The following CDH23 variants were observed in gnomAD, a reference collection of about 807,000 sequenced individuals.
CDH23 encodes the protein cadherin-23.
A neutral mutation model predicts 317.1 loss-of-function variants in CDH23; 189 were observed. The ratio of observed to expected loss-of-function variants is 0.60; its 90% CI spans 0.53 to 0.67. CDH23 has a LOEUF of 0.67. CDH23 is among the 30% of genes least tolerant of loss of function. The pLI is 0.00. For synonymous variants in CDH23, 1,839 were observed against 1,876.8 expected (o/e 0.98, Z 0.52); for missense variants, 4,401 against 4,592.4 (o/e 0.96, Z 1.20).
chr10:71,796,823 G>C, intron 48 of CDH23: 1 of 326,744 alleles, frequency 3.1e-6, no homozygotes, highest in Non-Finnish European at 5.9e-6. Context: ...GTTGACAGTC[G>C]GTAGTGTAAT....
At chr10:71,666,253 C>T (rs886425050) in intron 14 of CDH23, among the ~76,000 whole-genome samples, 1 of 152,032 alleles carries the variant, frequency 6.6e-6, no homozygotes, top group African/African-American at 2.4e-5. Context: ...CTCAGAAGGC[C>T]CAGAGCAGGC....
intron 1 of CDH23, among the ~76,000 whole-genome samples, chr10:71,435,671 GAC>G (rs935026990): frequency 6.6e-6 from 1 of 152,218 alleles, no homozygotes; most frequent in Non-Finnish European, 1.5e-5. Context: ...CCAGTGGGGA[GAC>G]AGGATTGGTG....
At position 71,725,353 on chromosome 10, in the gene CDH23, G is replaced by A. The variant is rs568956139; in HGVS notation, c.3431-19G>A. On this transcript the variant is annotated intron_variant, in intron 29 of 69. Transcript: ENST00000224721. ...TCTGGGCAGGGCCGGTGTTCCAGGG[G>A]GTCTGTCCCTCCACACAGGTAACCA... 5.6e-6 allele frequency: 9 copies of A among 1,614,014 alleles called. No individual in the cohort carries two copies. The highest frequency in any genetic ancestry group is 2.7e-5 in the African/African-American group (2 of 75,036).
At chr10:71,485,384 C>T (rs1852292084) in intron 3 of CDH23, among the ~76,000 whole-genome samples, 1 of 152,308 alleles carries the variant, frequency 6.6e-6, no homozygotes, top group African/African-American at 2.4e-5. Context: ...AGTTGGTTGG[C>T]TCAGGGAATG....
intron 11 of CDH23, among the ~76,000 whole-genome samples, chr10:71,642,663 G>T: frequency 6.6e-6 from 1 of 151,648 alleles, no homozygotes; most frequent in Non-Finnish European, 1.5e-5. Context: ...GCTTCCCGAC[G>T]TGCTGGGATT....
intron 1 of CDH23, among the ~76,000 whole-genome samples, chr10:71,438,996 C>G (rs1394565706): frequency 6.6e-6 from 1 of 152,168 alleles, no homozygotes; most frequent in African/African-American, 2.4e-5. Context: ...TCCTGAGCCG[C>G]TGGAGGACCA....
intron 14 of CDH23, among the ~76,000 whole-genome samples, chr10:71,655,796 G>A (rs1863391911): frequency 1.3e-5 from 2 of 151,962 alleles, no homozygotes; most frequent in South Asian, 4.2e-4. Flanking sequence ...AGGCCTCATG[G>A]GGACACATGA....
At chr10:71,548,934 T>A (rs933760576) in intron 6 of CDH23, among the ~76,000 whole-genome samples, 2 of 152,214 alleles carry the variant, frequency 1.3e-5, no homozygotes, top group African/African-American at 4.8e-5. Context: ...CGATAGCTCA[T>A]GAGACAGAGA....
intron 1 of CDH23, among the ~76,000 whole-genome samples, chr10:71,409,998 C>T (rs1848278045): frequency 6.6e-6 from 1 of 152,212 alleles, no homozygotes; most frequent in African/African-American, 2.4e-5. Flanking sequence ...GGAAGTGTTT[C>T]TGGCTCTGGA....
At chr10:71,411,559 AAC>A (rs1480196182) in intron 1 of CDH23, among the ~76,000 whole-genome samples, 25 of 152,110 alleles carry the variant, frequency 1.6e-4, no homozygotes, top group African/African-American at 6.0e-4. Flanking sequence ...TATAAATAAT[AAC>A]AGTTTTATAT....
intron 49 of CDH23, 52 bp downstream of exon 49, chr10:71,797,272 A>G: frequency 7.6e-7 from 1 of 1,315,448 alleles, no homozygotes; most frequent in Non-Finnish European, 1.1e-6. Flanking sequence ...CAATCAGGGC[A>G]GGGGGCAGGT....
At chr10:71,813,888 AGAGT>A (rs1309515638) in intron 69 of CDH23, among the ~76,000 whole-genome samples, 1 of 152,206 alleles carries the variant, frequency 6.6e-6, no homozygotes, top group African/African-American at 2.4e-5. Context: ...ATTGGGTGAC[AGAGT>A]GAGACTTGTC....
chr10:71,743,654 G>A (rs1839788915), intron 38 of CDH23, among the ~76,000 whole-genome samples: 1 of 152,150 alleles, frequency 6.6e-6, no homozygotes, highest in Non-Finnish European at 1.5e-5. Flanking sequence ...CTGGGGCAGA[G>A]AGGGGTATCA....
In CDH23 at chr10:71,802,683, T is replaced by A. The variant is rs544619150; in HGVS notation, c.7483-215T>A. Among the ~76,000 whole-genome samples, 59 of 152,316 alleles carry A rather than the reference T, an allele frequency of 3.9e-4. 2 individuals carry two copies. In the South Asian group the frequency reaches 0.011, roughly 29 times the overall value. ...TTGAGTGTTTACTTGAGCCACGCAC[T>A]GTGCCAAGGATCTAGGATTGTGCAA... On this transcript the variant is annotated intron_variant, in intron 53 of 69. Transcript: ENST00000224721.
At chr10:71,597,249 C>G (rs907681392) in intron 9 of CDH23, among the ~76,000 whole-genome samples, 1 of 152,088 alleles carries the variant, frequency 6.6e-6, no homozygotes, top group Non-Finnish European at 1.5e-5. Context: ...TCCTCTGTCC[C>G]CTAGCTGGTC....
rs757156087 is a variant in CDH23, at chr10:71,810,520, C to T, written c.9028C>T (p.Leu3010Phe). Residue 3010 changes from leucine to phenylalanine, a missense_variant, in exon 62 of 70, where the codon CTT becomes TTT. Coordinates refer to ENST00000224721, the MANE Select transcript of CDH23 (RefSeq NM_022124.6). ...GRVNFAQTEL[L>F]IHVVNRDTNR... is the part of the protein sequence containing the mutation. ...GGTGAACTTTGCGCAGACAGAACTG[C>T]TTATCCACGTGGTGAACCGCGATAC... 1.2e-6 allele frequency: 2 copies of T among 1,613,868 alleles called. No homozygotes were observed. The highest frequency in any genetic ancestry group is 2.7e-5 in the African/African-American group (2 of 74,922).
chr10:71,443,930 T>C (rs1589315787), intron 2 of CDH23, among the ~76,000 whole-genome samples: 1 of 152,262 alleles, frequency 6.6e-6, no homozygotes, highest in African/African-American at 2.4e-5. Flanking sequence ...CCTAGCTGTC[T>C]GTGCAGAGCT....
chr10:71,438,347 CAA>C (rs10596696), intron 1 of CDH23, among the ~76,000 whole-genome samples: 31,795 of 98,508 alleles, frequency 0.32, 2,146 homozygotes, highest in Middle Eastern at 0.39. Flanking sequence ...CTGTCTCAAA[CAA>C]AAAAAAAAAA....
chr10:71,651,425 G>A (rs894679871), intron 14 of CDH23, among the ~76,000 whole-genome samples: 1 of 150,996 alleles, frequency 6.6e-6, no homozygotes, highest in Non-Finnish European at 1.5e-5. Flanking sequence ...TCCAGCTACT[G>A]TAGAGGCTGA....
Sources: allele counts gnomAD v4.1 joint callset (sites outside exome capture counted in the v4.1 genomes callset), GRCh38; gene constraint gnomAD v4.1.1; transcripts MANE v1.5; gene names NCBI Gene and HGNC (gene_info 2026-07-23, HGNC 2026-07-21).